The following UMODL1 variants were observed in gnomAD, a reference collection of about 807,000 sequenced individuals.
UMODL1 encodes uromodulin like 1.
In UMODL1, 128 loss-of-function variants were observed where a neutral mutation model predicts 136.3. The observed-to-expected ratio is 0.94, with a 90% CI of 0.81 to 1.09. The LOEUF (loss-of-function observed/expected upper bound fraction) is 1.09, where lower values mean the gene tolerates loss of function less well. UMODL1 is among the 50% of genes least tolerant of loss of function. The pLI is 0.00. For missense variants in UMODL1, 1,766 were observed against 1,725.6 expected (o/e 1.02, Z -0.41); for synonymous variants, 721 against 720.0 (o/e 1.00, Z -0.02).
At position 42,127,150 on chromosome 21, in the gene UMODL1, G is replaced by A. The variant is rs774442761; in HGVS notation, c.3438G>A (p.Gln1146=). ...GGATCGAAGTGGGGCTCTACAGGCA[G>A]AAAAGCAACCTCAAGGTGGTCCTGA... ...DVRIEVGLYR[Q]KSNLKVVLTE... Residue 1146 remains glutamine (Q), a synonymous_variant, in exon 19 of 23, where the codon CAG becomes CAA. Transcript: ENST00000408910. 6.2e-7 allele frequency: 1 copy of A among 1,614,188 alleles called. No individual in the cohort carries two copies. The highest frequency in any genetic ancestry group is 1.1e-5 in the South Asian group (1 of 91,082).
chr21:42,075,879 G>C, intron 1 of UMODL1, 126 bp from the exon 2 acceptor site: 1 of 1,419,852 alleles, frequency 7.0e-7, no homozygotes, highest in Non-Finnish European at 9.6e-7. Flanking sequence ...GGCAGCTTCT[G>C]AGAGGCCTGC....
At chr21:42,140,621 AT>A (rs376213952) in intron 22 of UMODL1, among the ~76,000 whole-genome samples, 3,408 of 152,174 alleles carry the variant, frequency 0.022, 45 homozygotes, top group South Asian at 0.029. Context: ...GAGAATTTGT[AT>A]TTTAGCAGCT....
chr21:42,066,695 C>A (rs2066185743), upstream of UMODL1, among the ~76,000 whole-genome samples: 1 of 152,214 alleles, frequency 6.6e-6, no homozygotes, highest in Non-Finnish European at 1.5e-5. Context: ...AGATGGTAAC[C>A]CCAGTGACCA....
chr21:42,122,532 C>T lies in UMODL1; in HGVS notation c.2828-299C>T, dbSNP rs1460584536. Among the ~76,000 whole-genome samples the T allele has an allele frequency of 1.3e-5, 2 of 151,490 alleles. No homozygotes were observed. The highest frequency in any genetic ancestry group is 4.8e-5 in the African/African-American group (2 of 41,390). The stretch of plus-strand genomic sequence containing the variant: ...TCCCTGAGCTGGTGGAAATGTGCAA[C>T]ATGTGCATGTGTGCGTGTGTGTGTG... On this transcript the variant is annotated intron_variant, in intron 16 of 22. Transcript: ENST00000408910. The surrounding 1 kb of genome is among the most constrained non-coding windows in gnomAD (Gnocchi z 4.3).
At chr21:42,115,409 G>A (rs1396872047) in intron 13 of UMODL1, among the ~76,000 whole-genome samples, 1 of 152,238 alleles carries the variant, frequency 6.6e-6, no homozygotes, top group Non-Finnish European at 1.5e-5. Flanking sequence ...AAGACCCCTG[G>A]GCACCCTGTG....
chr21:42,134,607 ATTAG>A (rs1230962862), intron 21 of UMODL1, among the ~76,000 whole-genome samples: 9 of 151,890 alleles, frequency 5.9e-5, no homozygotes, highest in African/African-American at 1.7e-4. Flanking sequence ...AATTTTTAAA[ATTAG>A]TTAATTAATT....
At position 42,123,051 on chromosome 21, in the gene UMODL1, G is replaced by C; in HGVS notation, c.3048G>C (p.Ser1016=). The C allele has an allele frequency of 5.0e-6, 8 of 1,614,114 alleles. No individual in the cohort carries two copies. Among genetic ancestry groups the C allele is most frequent in the South Asian group, 1.1e-5 (1 of 91,076 alleles). ...FLQQESIPES[S]LYLSHPSCNV... is the part of the protein sequence containing the mutation. ...AGCAGGAATCCATCCCCGAGTCCTC[G>C]TTGTACCTCAGCCACCCCTCCTGCA... Residue 1016 remains serine (S), a synonymous_variant, in exon 17 of 23, where the codon TCG becomes TCC. Coordinates refer to ENST00000408910, the MANE Select transcript of UMODL1 (RefSeq NM_001004416.3). The surrounding 1 kb of genome is among the most constrained non-coding windows in gnomAD (Gnocchi z 4.4).
chr21:42,123,336 G>A lies in UMODL1; in HGVS notation c.3147+186G>A, dbSNP rs1268230194. 6.6e-6 allele frequency among the ~76,000 whole-genome samples: 1 copy of A among 152,220 alleles called. No homozygotes were observed. The highest frequency in any genetic ancestry group is 2.4e-5 in the African/African-American group (1 of 41,452). On this transcript the variant is annotated intron_variant, in intron 17 of 22. Transcript: ENST00000408910. This position sits in a 1 kb window ranked among gnomAD's most constrained non-coding sequence, Gnocchi z 4.4. ...TGCACCCCAGAATCGGAAGGGAGCT[G>A]TGAGTCCACCCAGGAGGGACTCTGG...
chr21:42,082,316 T>C (rs1453778816), intron 2 of UMODL1, among the ~76,000 whole-genome samples: 3 of 152,224 alleles, frequency 2.0e-5, no homozygotes, highest in South Asian at 2.1e-4. Flanking sequence ...TGCAGCCTGC[T>C]GAGGCTGCCC....
intron 2 of UMODL1, among the ~76,000 whole-genome samples, chr21:42,081,589 T>C (rs2066362787): frequency 6.6e-6 from 1 of 152,202 alleles, no homozygotes. Flanking sequence ...TAGGCAACTA[T>C]TTTTAGAAGC....
In UMODL1 at chr21:42,119,266, C is replaced by T. The variant is rs751319914; in HGVS notation, c.2631C>T (p.Leu877=). The T allele has an allele frequency of 4.9e-5, 79 of 1,614,098 alleles. No individual in the cohort carries two copies. The Admixed American group carries it at 1.3e-3, about 27-fold the overall frequency. The change falls in exon 15 of 23, where the codon CTC becomes CTT. Residue 877 remains leucine (L), a synonymous_variant. Transcript: ENST00000408910. The part of the protein sequence containing the change: ...VDVQEVSAAF[L]TAFQTVPLLE... ...TCCAGGAGGTGTCAGCTGCATTTCT[C>T]ACCGCCTTCCAGACCGTGCCTCTGC...
chr21:42,076,351 T>G, intron 2 of UMODL1, 104 bp downstream of exon 2: 23 of 1,541,334 alleles, frequency 1.5e-5, no homozygotes, highest in Non-Finnish European at 1.9e-5. Context: ...TGCTAGATCT[T>G]CCAGGAGCAC....
At chr21:42,103,350 TG>T in intron 8 of UMODL1, 1 of 266,660 alleles carries the variant, frequency 3.8e-6, no homozygotes, top group African/African-American at 2.2e-5. Context: ...TGTGCAAGTA[TG>T]GGTTGGCACA....
intron 12 of UMODL1, among the ~76,000 whole-genome samples, chr21:42,112,009 C>T (rs776071252): frequency 1.3e-4 from 20 of 152,018 alleles, no homozygotes; most frequent in African/African-American, 3.6e-4. Flanking sequence ...CCTTACTTGT[C>T]GCGTTAGGTG....
intron 1 of UMODL1, among the ~76,000 whole-genome samples, chr21:42,063,788 C>T (rs2066160863): frequency 6.6e-6 from 1 of 152,202 alleles, no homozygotes; most frequent in South Asian, 2.1e-4. Flanking sequence ...GTGAGAGCCA[C>T]CTGTGTCTCA....
chr21:42,125,590 G>A (rs2123359098), intron 17 of UMODL1, among the ~76,000 whole-genome samples: 1 of 152,336 alleles, frequency 6.6e-6, no homozygotes, highest in Admixed American at 6.5e-5. Flanking sequence ...CTCCCTCAAA[G>A]CTTCTTAGAC....
chr21:42,112,517 G>A (rs185732129), intron 12 of UMODL1, among the ~76,000 whole-genome samples: 8 of 151,414 alleles, frequency 5.3e-5, no homozygotes, highest in African/African-American at 1.5e-4. Flanking sequence ...ATGCCCCAGA[G>A]ATTCTGTATC....
chr21:42,108,203 G>A (rs533551921), intron 9 of UMODL1: 88 of 451,242 alleles, frequency 2.0e-4, no homozygotes, highest in African/African-American at 1.6e-3. Context: ...GTTTGAGCCA[G>A]CGTCTTGCCT....
chr21:42,071,416 G>GGCA (rs2066230458), intron 1 of UMODL1, 24 bp downstream of exon 1: 1 of 1,556,528 alleles, frequency 6.4e-7, no homozygotes, highest in Non-Finnish European at 8.7e-7. Context: ...GCTTGGCATG[G>GGCA]GCAGTTCTTA....
Sources: allele counts gnomAD v4.1 joint callset (sites outside exome capture counted in the v4.1 genomes callset), GRCh38; gene constraint gnomAD v4.1.1; non-coding constraint Gnocchi (gnomAD v3.1); transcripts MANE v1.5; gene names NCBI Gene and HGNC (gene_info 2026-07-23, HGNC 2026-07-21).